Variants in ADGRD1 observed in about 807,000 individuals in gnomAD.
ADGRD1 encodes G-protein coupled receptor 133.
Under a neutral mutation model 113.4 loss-of-function variants are expected in ADGRD1, and 77 were observed. The ratio of observed to expected loss-of-function variants is 0.68; its 90% CI spans 0.57 to 0.82. The LOEUF (loss-of-function observed/expected upper bound fraction) is 0.82. Ranked by LOEUF, ADGRD1 falls within the 40% of genes least tolerant of loss-of-function variation. ADGRD1 has a pLI of 0.00. For missense variants in ADGRD1, 1,036 were observed against 1,139.1 expected, an observed-to-expected ratio of 0.91 and a Z score of 1.30; for synonymous variants, 474 against 475.0, an observed-to-expected ratio of 1.00 and a Z score of 0.03.
At chr12:131,129,205 AGCCCC>A (rs1371835318) in intron 20 of ADGRD1, among the ~76,000 whole-genome samples, 16 of 113,174 alleles carry the variant, frequency 1.4e-4, no homozygotes, top group South Asian at 3.3e-4. Flanking sequence ...TGTGAGTGAC[AGCCCC>A]GCCCTGCTGT....
At chr12:131,093,027 C>T (rs532642011) in intron 15 of ADGRD1, among the ~76,000 whole-genome samples, 3 of 152,032 alleles carry the variant, frequency 2.0e-5, no homozygotes, top group Non-Finnish European at 4.4e-5. Flanking sequence ...TCCCCATGGC[C>T]TCCCCGTACC....
In ADGRD1 at chr12:131,140,954, A is replaced by C. The variant is rs1274697755; in HGVS notation, c.*1691A>C. ...AGGCCAAGGCCGCTGTTCAGTGAAG[A>C]GTCCCATGTTTAGTATGGACTAAAG... On this transcript the variant is annotated 3_prime_UTR_variant, in exon 25 of 25. Transcript: ENST00000261654. The C allele has an allele frequency of 6.6e-6, 1 of 152,256 alleles. No individual in the cohort carries two copies. The highest frequency in any genetic ancestry group is 2.4e-5 in the African/African-American group (1 of 41,462). 9.4% of individuals were successfully genotyped at this position (152,256 alleles called of 1,614,324 possible). A position where few individuals can be genotyped will look rare whatever the true frequency, so the allele number is the denominator to read the frequency against.
intron 22 of ADGRD1, among the ~76,000 whole-genome samples, chr12:131,136,737 C>T (rs1221114986): frequency 6.6e-6 from 1 of 152,240 alleles, no homozygotes; most frequent in Non-Finnish European, 1.5e-5. Flanking sequence ...CCTGCTGCCG[C>T]ACCTATGCCC....
rs760737680 is a variant in ADGRD1, at chr12:131,084,404, G to T, written c.1548-136G>T. 4.1e-5 allele frequency: 35 copies of T among 855,006 alleles called. 1 individual carries two copies. Among genetic ancestry groups the T allele is most frequent in the Non-Finnish European group, 6.4e-5 (34 of 528,512 alleles). The allele number at this position is 855,006 out of a possible 1,614,324, so 53.0% of individuals were successfully genotyped here. A position where few individuals can be genotyped will look rare whatever the true frequency, so the allele number is the denominator to read the frequency against. On this transcript the variant is annotated intron_variant, in intron 14 of 24. Coordinates refer to ENST00000261654, the MANE Select transcript of ADGRD1 (RefSeq NM_198827.5). The surrounding 1 kb of genome is among the most constrained non-coding windows in gnomAD (Gnocchi z 4.5). Reference sequence around the variant, plus strand: ...CCAACCCCCACACCACGGTCTGGGTGTGCATTCCTGGCGTGGCAGGTGTGG... The same window carrying T: ...CCAACCCCCACACCACGGTCTGGGTTTGCATTCCTGGCGTGGCAGGTGTGG...
rs145685391 is a variant in ADGRD1 at position 130,973,975 on chromosome 12, C to T, written c.310+2395C>T. Among the ~76,000 whole-genome samples the T allele has an allele frequency of 9.2e-3, 1,394 of 152,292 alleles. 10 individuals carry two copies. Among genetic ancestry groups the T allele is most frequent in the Middle Eastern group, 0.017 (5 of 294 alleles). Reference sequence around the variant, plus strand: ...ACAAAGTCAGGAAACCTTCAATCAACGCTGGCTCGGTGAGAGGCTGCTCTC... The same window carrying T: ...ACAAAGTCAGGAAACCTTCAATCAATGCTGGCTCGGTGAGAGGCTGCTCTC... On this transcript the variant is annotated intron_variant, in intron 4 of 24. Transcript: ENST00000261654.
In ADGRD1 at chr12:131,003,312, G is replaced by A. The variant is rs745794956; in HGVS notation, c.1144+10G>A. The A allele has an allele frequency of 6.9e-6, 11 of 1,585,052 alleles. No homozygotes were observed. The highest frequency in any genetic ancestry group is 6.7e-5 in the Admixed American group (4 of 59,984). On this transcript the variant is annotated intron_variant, in intron 10 of 24. Coordinates refer to ENST00000261654, the MANE Select transcript of ADGRD1 (RefSeq NM_198827.5). This position sits in a 1 kb window ranked among gnomAD's most constrained non-coding sequence, Gnocchi z 4.8. Reference sequence around the variant, plus strand: ...TCCTCTGCCATGGCAGGTAGCTGTCGCTTGTAAGGGTGAGCCACATGGCAG... The same window carrying A: ...TCCTCTGCCATGGCAGGTAGCTGTCACTTGTAAGGGTGAGCCACATGGCAG...
intron 20 of ADGRD1, among the ~76,000 whole-genome samples, chr12:131,125,695 T>TA (rs536211657): frequency 6.6e-6 from 1 of 152,204 alleles, no homozygotes; most frequent in Non-Finnish European, 1.5e-5. Context: ...CTCCTGAACT[T>TA]ACAATGGGAT....
intron 8 of ADGRD1, among the ~76,000 whole-genome samples, chr12:130,995,012 G>A (rs773713422): frequency 9.2e-5 from 14 of 152,206 alleles, no homozygotes; most frequent in Non-Finnish European, 1.8e-4. Flanking sequence ...TCTTCATCAC[G>A]GGCTAGAAGG....
intron 11 of ADGRD1, 100 bp downstream of exon 11, chr12:131,004,396 C>T (rs965956132): frequency 1.3e-5 from 12 of 905,792 alleles, no homozygotes; most frequent in South Asian, 7.2e-5. Context: ...CAGGGAGCTG[C>T]GGTGCTCCCC....
rs561541853 is a variant in ADGRD1 at position 131,000,298 on chromosome 12, A to G, written c.967-85A>G. 22 of 1,000,060 alleles carry G rather than the reference A, an allele frequency of 2.2e-5. No individual in the cohort carries two copies. The African/African-American group carries it at 3.3e-4, about 15-fold the overall frequency. 61.9% of individuals were successfully genotyped at this position (1,000,060 alleles called of 1,614,324 possible). ...CTGAACTGGTGGTTGATAGAGACCC[A>G]TTGGAAGATGCGGGGAAAACTGAAG... On this transcript the variant is annotated intron_variant, in intron 8 of 24. Coordinates refer to ENST00000261654, the MANE Select transcript of ADGRD1 (RefSeq NM_198827.5).
chr12:131,048,761 C>G (rs1883089479), intron 13 of ADGRD1, among the ~76,000 whole-genome samples: 1 of 152,208 alleles, frequency 6.6e-6, no homozygotes, highest in African/African-American at 2.4e-5. Flanking sequence ...GCGTGGCCCT[C>G]CTGTGCACCA....
intron 12 of ADGRD1, among the ~76,000 whole-genome samples, chr12:131,011,566 C>T (rs77293678): frequency 0.075 from 11,357 of 152,048 alleles, 1,185 homozygotes; most frequent in African/African-American, 0.24. Flanking sequence ...GGAAAGCATC[C>T]GGGCCCCAGG....
chr12:131,062,665 C>T (rs1012139985), intron 13 of ADGRD1, among the ~76,000 whole-genome samples: 1 of 152,104 alleles, frequency 6.6e-6, no homozygotes, highest in African/African-American at 2.4e-5. Context: ...CATGTAAGAC[C>T]GGACTTTGCT....
intron 15 of ADGRD1, among the ~76,000 whole-genome samples, chr12:131,098,159 T>TGAC (rs1566107430): frequency 3.5e-5 from 1 of 28,838 alleles, no homozygotes; most frequent in Non-Finnish European, 1.1e-4. Context: ...TGGGCCTCAC[T>TGAC]TCCTTCTCCC....
At position 131,022,078 on chromosome 12, in the gene ADGRD1, C is replaced by T. The variant is rs1212452421; in HGVS notation, c.1473+7738C>T. On this transcript the variant is annotated intron_variant, in intron 13 of 24. Transcript: ENST00000261654. This position sits in a 1 kb window ranked among gnomAD's most constrained non-coding sequence, Gnocchi z 4.6. ...TAATGACCTCATTTTATCTTAATCA[C>T]CCCTTCAAAGACCCTGACTCCAAAC... Among the ~76,000 whole-genome samples, 1 of 152,116 alleles carries T rather than the reference C, an allele frequency of 6.6e-6. No homozygotes were observed. Among genetic ancestry groups the T allele is most frequent in the Non-Finnish European group, 1.5e-5 (1 of 68,026 alleles).
chr12:130,958,343 G>A (rs900228103), intron 2 of ADGRD1, among the ~76,000 whole-genome samples: 4 of 151,992 alleles, frequency 2.6e-5, no homozygotes, highest in Non-Finnish European at 5.9e-5. Context: ...GGGACTACAG[G>A]CGCCCGTGAC....
At chr12:131,066,455 G>A (rs767334608) in intron 13 of ADGRD1, among the ~76,000 whole-genome samples, 16 of 152,166 alleles carry the variant, frequency 1.1e-4, no homozygotes, top group Non-Finnish European at 2.1e-4. Flanking sequence ...TGCCTGGCTG[G>A]GCCATTGTCC....
rs1292957832 is a variant in ADGRD1 at position 131,022,668 on chromosome 12, T to TC, written c.1473+8331dup. On this transcript the variant is annotated intron_variant, in intron 13 of 24. Transcript: ENST00000261654. The surrounding 1 kb of genome is among the most constrained non-coding windows in gnomAD (Gnocchi z 4.6). ...TTTGATGCCTCCCTCATTTTCTGAG[T>TC]CCCTCCTTACATTCAGGCATTAAAG... is the stretch of plus-strand genomic sequence containing the variant. 6.6e-6 allele frequency: 1 copy of TC among 152,144 alleles called. No individual in the cohort carries two copies. Among genetic ancestry groups the TC allele is most frequent in the African/African-American group, 2.4e-5 (1 of 41,428 alleles). The allele number at this position is 152,144 out of a possible 1,614,324, so 9.4% of individuals were successfully genotyped here.
intron 8 of ADGRD1, 139 bp downstream of exon 8, chr12:130,992,531 G>A (rs1242641077): frequency 1.4e-5 from 10 of 716,396 alleles, no homozygotes; most frequent in Non-Finnish European, 1.8e-5. Flanking sequence ...GGCTTCTCAT[G>A]AACAACCAGC....
Sources: gnomAD v4.1 joint callset for allele counts (sites outside exome capture counted in the v4.1 genomes callset) on GRCh38, gnomAD v4.1.1 for gene constraint, Gnocchi (gnomAD v3.1) non-coding constraint, MANE v1.5 for transcripts, NCBI Gene and HGNC (gene_info 2026-07-23, HGNC 2026-07-21) for gene names.